LRRTM4: variants seen among roughly 807,000 people sequenced by gnomAD.
The protein encoded by LRRTM4 is leucine rich repeat transmembrane neuronal 4.
Under a neutral mutation model 47.6 loss-of-function variants are expected in LRRTM4, and 25 were observed. The ratio of observed to expected loss-of-function variants is 0.53; its 90% CI spans 0.38 to 0.73. The LOEUF (loss-of-function observed/expected upper bound fraction) is 0.73. Ranked by LOEUF, LRRTM4 falls within the 30% of genes least tolerant of loss-of-function variation. The pLI, the probability that LRRTM4 is intolerant of heterozygous loss-of-function variation, is 0.00. For missense variants in LRRTM4, 638 were observed against 713.4 expected, an observed-to-expected ratio of 0.89 and a Z score of 1.20; for synonymous variants, 311 against 269.5, an observed-to-expected ratio of 1.15 and a Z score of -1.51.
chr2:77,008,074 T>G (rs62170867), intron 3 of LRRTM4, among the ~76,000 whole-genome samples: 6,451 of 152,236 alleles, frequency 0.042, 224 homozygotes, highest in Non-Finnish European at 0.059. Context: ...AACTGTAGCA[T>G]CCTGTTGTTT....
At chr2:77,469,719 TA>T (rs370195731) in intron 3 of LRRTM4, among the ~76,000 whole-genome samples, 131,976 of 151,932 alleles carry the variant, frequency 0.87, 57,440 homozygotes, top group South Asian at 0.92. Flanking sequence ...AGCATATATA[TA>T]TGTATAGCAT....
At chr2:76,932,685 TATGAC>T (rs1674811252) in intron 3 of LRRTM4, among the ~76,000 whole-genome samples, 1 of 151,524 alleles carries the variant, frequency 6.6e-6, no homozygotes, top group Non-Finnish European at 1.5e-5. Context: ...TTTGTATATA[TATGAC>T]ATGTTATATA....
chr2:77,179,510 G>A (rs568130158), intron 3 of LRRTM4, among the ~76,000 whole-genome samples: 37 of 152,212 alleles, frequency 2.4e-4, no homozygotes, highest in African/African-American at 8.7e-4. Context: ...GCATTACATT[G>A]AGTAAGTAAT....
intron 3 of LRRTM4, among the ~76,000 whole-genome samples, chr2:77,486,843 T>C (rs1017843249): frequency 6.6e-6 from 1 of 152,316 alleles, no homozygotes; most frequent in Admixed American, 6.5e-5. Flanking sequence ...CCAACTCTTC[T>C]GATAAAGATC....
At chr2:77,183,611 G>T (rs948051597) in intron 3 of LRRTM4, among the ~76,000 whole-genome samples, 1 of 152,114 alleles carries the variant, frequency 6.6e-6, no homozygotes, top group Non-Finnish European at 1.5e-5. Flanking sequence ...AAATCATGCT[G>T]CTATAAAGAT....
intron 3 of LRRTM4, among the ~76,000 whole-genome samples, chr2:76,789,457 G>A (rs994561900): frequency 1.3e-5 from 2 of 152,162 alleles, no homozygotes; most frequent in Non-Finnish European, 2.9e-5. Flanking sequence ...TGTATGACAG[G>A]ACTTCTTTGG....
chr2:77,030,499 T>C (rs1678616305), intron 3 of LRRTM4, among the ~76,000 whole-genome samples: 1 of 152,156 alleles, frequency 6.6e-6, no homozygotes, highest in Non-Finnish European at 1.5e-5. Flanking sequence ...TGTTTAGAAT[T>C]TAAATCTAAA....
chr2:77,435,974 C>A (rs1232680736), intron 3 of LRRTM4, among the ~76,000 whole-genome samples: 1 of 152,092 alleles, frequency 6.6e-6, no homozygotes, highest in African/African-American at 2.4e-5. Flanking sequence ...TGATTCATTT[C>A]TTCGTTCAGT....
At chr2:77,025,609 C>T (rs1259457796) in intron 3 of LRRTM4, among the ~76,000 whole-genome samples, 2 of 151,982 alleles carry the variant, frequency 1.3e-5, no homozygotes, top group Non-Finnish European at 2.9e-5. Flanking sequence ...TCTGTTTTTC[C>T]TCTCAGTTGT....
chr2:77,044,904 T>C (rs1679183421), intron 3 of LRRTM4, among the ~76,000 whole-genome samples: 2 of 151,678 alleles, frequency 1.3e-5, no homozygotes, highest in Non-Finnish European at 2.9e-5. Flanking sequence ...TATGTGTATG[T>C]AGATAGGTGT....
intron 3 of LRRTM4, among the ~76,000 whole-genome samples, chr2:76,762,838 A>G (rs555495988): frequency 6.6e-6 from 1 of 152,208 alleles, no homozygotes; most frequent in Non-Finnish European, 1.5e-5. Context: ...TAAATTACAT[A>G]GCATTTTAAA....
At chr2:77,247,305 G>C (rs570090927) in intron 3 of LRRTM4, among the ~76,000 whole-genome samples, 1 of 152,252 alleles carries the variant, frequency 6.6e-6, no homozygotes, top group African/African-American at 2.4e-5. Flanking sequence ...GTAATGTATA[G>C]AGTTGAGTAC....
chr2:77,477,898 AAAGAAAAAGAAAGAAAG>A (rs1677478835), intron 3 of LRRTM4, among the ~76,000 whole-genome samples: 1 of 111,442 alleles, frequency 9.0e-6, no homozygotes, highest in Non-Finnish European at 1.9e-5. Flanking sequence ...AAAGAAAAAG[AAAGAAAAAGAAAGAAAG>A]AAAGAAAGAA....
At chr2:76,904,578 T>C (rs547098562) in intron 3 of LRRTM4, among the ~76,000 whole-genome samples, 2 of 152,210 alleles carry the variant, frequency 1.3e-5, no homozygotes, top group South Asian at 2.1e-4. Flanking sequence ...TTAGTGGGAG[T>C]ATAGAAAATC....
chr2:77,195,121 T>C (rs563016169), intron 3 of LRRTM4, among the ~76,000 whole-genome samples: 16 of 152,106 alleles, frequency 1.1e-4, no homozygotes, highest in African/African-American at 3.9e-4. Flanking sequence ...TTTGGTTTCA[T>C]GTATTTACTA....
At chr2:77,077,675 T>C (rs1572932514) in intron 3 of LRRTM4, among the ~76,000 whole-genome samples, 1 of 152,190 alleles carries the variant, frequency 6.6e-6, no homozygotes, top group East Asian at 1.9e-4. Flanking sequence ...TAAATATGGC[T>C]CCTGGGAAAT....
intron 3 of LRRTM4, among the ~76,000 whole-genome samples, chr2:77,246,883 T>A (rs1292366291): frequency 6.6e-6 from 1 of 152,144 alleles, no homozygotes; most frequent in East Asian, 1.9e-4. Context: ...ATTTTTCCAT[T>A]GTTTTATCTT....
chr2:77,507,106 TAAA>T (rs544461387), intron 3 of LRRTM4, among the ~76,000 whole-genome samples: 64 of 151,854 alleles, frequency 4.2e-4, no homozygotes, highest in African/African-American at 1.5e-3. Flanking sequence ...AATATTTTCT[TAAA>T]AAGCATTCAT....
At chr2:77,403,296 G>A (rs1285443864) in intron 3 of LRRTM4, among the ~76,000 whole-genome samples, 1 of 151,786 alleles carries the variant, frequency 6.6e-6, no homozygotes, top group African/African-American at 2.4e-5. Flanking sequence ...GTGCCATTTG[G>A]TTTCAGGGCT....
Sources: gnomAD v4.1 joint callset for allele counts (sites outside exome capture counted in the v4.1 genomes callset) on GRCh38, gnomAD v4.1.1 for gene constraint, MANE v1.5 for transcripts, NCBI Gene and HGNC (gene_info 2026-07-23, HGNC 2026-07-21) for gene names.